VIPAS39: variants seen among roughly 807,000 people sequenced by gnomAD.
VIPAS39 encodes the protein VPS33B interacting protein, apical-basolateral polarity regulator, spe-39 homolog.
Under a neutral mutation model 84.7 loss-of-function variants are expected in VIPAS39, and 63 were observed. The observed-to-expected ratio is 0.74, with a 90% CI of 0.61 to 0.92. The LOEUF is 0.92. VIPAS39 is among the 40% of genes least tolerant of loss of function. VIPAS39 has a pLI of 0.00. For synonymous variants in VIPAS39, 192 were observed against 216.5 expected, an observed-to-expected ratio of 0.89 and a Z score of 0.99; for missense variants, 499 against 604.5, an observed-to-expected ratio of 0.83 and a Z score of 1.83.
At position 77,433,840 on chromosome 14, in the gene VIPAS39, A is replaced by G; in HGVS notation, c.1179+2T>C. 6.2e-7 allele frequency: 1 copy of G among 1,613,840 alleles called. No individual in the cohort carries two copies. Among genetic ancestry groups the G allele is most frequent in the Non-Finnish European group, 8.5e-7 (1 of 1,179,858 alleles). On this transcript the variant is annotated splice_donor_variant, in intron 16 of 19. Coordinates refer to ENST00000557658, the MANE Select transcript of VIPAS39 (RefSeq NM_001193315.2). LOFTEE classifies it high-confidence loss of function. Reference sequence around the variant, plus strand: ...TCAGCAGCACAGGGGCAGGGCACACACCTTTGTGGTGAATAGGGCATCTAC... The same window carrying G: ...TCAGCAGCACAGGGGCAGGGCACACGCCTTTGTGGTGAATAGGGCATCTAC...
In VIPAS39 at chr14:77,449,314, C is replaced by T. The variant is rs752385960; in HGVS notation, c.426G>A (p.Gly142=). 1.2e-6 allele frequency: 2 copies of T among 1,614,196 alleles called. No homozygotes were observed. The highest frequency in any genetic ancestry group is 1.7e-6 in the Non-Finnish European group (2 of 1,180,040). The change falls in exon 6 of 20, where the codon GGG becomes GGA. Residue 142 remains glycine (G), a synonymous_variant. Transcript: ENST00000557658. Reference sequence around the variant, plus strand: ...TCACCCTATACTCCCCTTTGGGTCTCCCCAGCTCTGGAGCATAGCTTTTGG... The same window carrying T: ...TCACCCTATACTCCCCTTTGGGTCTTCCCAGCTCTGGAGCATAGCTTTTGG... ...TPAKSYAPEL[G]RPKGEYRDYS...
chr14:77,447,647 A>C (rs1274454111), intron 7 of VIPAS39, among the ~76,000 whole-genome samples: 1 of 152,154 alleles, frequency 6.6e-6, no homozygotes, highest in Non-Finnish European at 1.5e-5. Flanking sequence ...CTAACATAAA[A>C]GATTGTTCTC....
chr14:77,441,114 G>A, intron 10 of VIPAS39, 21 bp from the exon 11 acceptor site: 1 of 1,612,446 alleles, frequency 6.2e-7, no homozygotes. Flanking sequence ...GCAGAAGGGA[G>A]CAGGGCATTT....
intron 3 of VIPAS39, among the ~76,000 whole-genome samples, chr14:77,452,062 C>G (rs1210190771): frequency 6.6e-6 from 1 of 151,896 alleles, no homozygotes; most frequent in Non-Finnish European, 1.5e-5. Flanking sequence ...ATTGAAAAAT[C>G]TAAAATTCAA....
intron 10 of VIPAS39, among the ~76,000 whole-genome samples, chr14:77,442,098 T>C (rs1405051943): frequency 3.3e-5 from 5 of 152,220 alleles, no homozygotes; most frequent in Non-Finnish European, 7.3e-5. Context: ...TGGTATCACT[T>C]AGAATCAAGT....
intron 11 of VIPAS39, 70 bp from the exon 12 acceptor site, chr14:77,437,951 A>T: frequency 6.7e-7 from 1 of 1,497,638 alleles, no homozygotes; most frequent in Non-Finnish European, 9.3e-7. Flanking sequence ...GATTAACTGA[A>T]CTTCCCATGC....
At chr14:77,431,597 G>A (rs1323477843) in intron 16 of VIPAS39, among the ~76,000 whole-genome samples, 1 of 152,156 alleles carries the variant, frequency 6.6e-6, no homozygotes, top group Non-Finnish European at 1.5e-5. Context: ...TAGCCAATGT[G>A]GAAAACAGGC....
At chr14:77,443,221 A>G in intron 8 of VIPAS39, 69 bp from the exon 9 acceptor site, 1 of 1,577,722 alleles carries the variant, frequency 6.3e-7, no homozygotes, top group Non-Finnish European at 8.7e-7. Flanking sequence ...CACTACAGAC[A>G]CGGGGCCAGC....
At position 77,449,802 on chromosome 14, in the gene VIPAS39, C is replaced by A. The variant is rs1222301954; in HGVS notation, c.344-50G>T. The A allele has an allele frequency of 1.9e-6, 3 of 1,608,336 alleles. 1 individual carries two copies. The South Asian group carries it at 3.3e-5, about 18-fold the overall frequency. On this transcript the variant is annotated intron_variant, in intron 4 of 19. Transcript: ENST00000557658. Reference sequence around the variant, plus strand: ...AAAAGGTCAACAGTTTCAATCAGAGCCATCCAGGCTTGGTTAAAGACACAA... The same window carrying A: ...AAAAGGTCAACAGTTTCAATCAGAGACATCCAGGCTTGGTTAAAGACACAA...
intron 10 of VIPAS39, among the ~76,000 whole-genome samples, chr14:77,441,371 TG>T (rs1453149028): frequency 8.8e-6 from 1 of 113,230 alleles, no homozygotes; most frequent in Non-Finnish European, 2.1e-5. Flanking sequence ...ACTTGGTTGT[TG>T]TTTTTTTTTT....
chr14:77,450,179 T>C (rs966479099), intron 4 of VIPAS39, among the ~76,000 whole-genome samples: 1 of 152,236 alleles, frequency 6.6e-6, no homozygotes, highest in African/African-American at 2.4e-5. Flanking sequence ...TTCCTGTCTC[T>C]ATGAATCTGA....
intron 16 of VIPAS39, among the ~76,000 whole-genome samples, chr14:77,430,964 C>T (rs1166340576): frequency 1.3e-5 from 2 of 152,088 alleles, no homozygotes; most frequent in Non-Finnish European, 2.9e-5. Context: ...ATGAGTGGTG[C>T]TGGGAAAACT....
intron 12 of VIPAS39, 146 bp from the exon 13 acceptor site, chr14:77,436,065 A>C: frequency 1.3e-6 from 1 of 798,012 alleles, no homozygotes; most frequent in Non-Finnish European, 2.2e-6. Context: ...CCCTTAAAGA[A>C]AGACATCGCA....
intron 7 of VIPAS39, among the ~76,000 whole-genome samples, chr14:77,444,552 A>G (rs2078756199): frequency 6.6e-6 from 1 of 152,186 alleles, no homozygotes; most frequent in Admixed American, 6.5e-5. Context: ...TAATGTCCTG[A>G]AGTCTTGATA....
chr14:77,438,265 G>A, intron 11 of VIPAS39, among the ~76,000 whole-genome samples: 1 of 131,722 alleles, frequency 7.6e-6, no homozygotes, highest in South Asian at 2.4e-4. Context: ...TCTCACTCTT[G>A]TTGCCCAGGC....
intron 1 of VIPAS39, 97 bp downstream of exon 1, chr14:77,457,398 G>A: frequency 6.5e-7 from 1 of 1,535,544 alleles, no homozygotes; most frequent in Middle Eastern, 1.7e-4. Context: ...GTAGTCATAG[G>A]GTGTAGGGAT....
intron 1 of VIPAS39, 100 bp from the exon 2 acceptor site, chr14:77,454,202 A>G (rs3742733): frequency 1.9e-6 from 2 of 1,066,238 alleles, no homozygotes; most frequent in Non-Finnish European, 2.9e-6. Context: ...CCCAAAAATC[A>G]AGGATGCAGA....
chr14:77,433,173 T>C (rs1266728875), intron 16 of VIPAS39, among the ~76,000 whole-genome samples: 2 of 151,714 alleles, frequency 1.3e-5, no homozygotes, highest in Non-Finnish European at 2.9e-5. Context: ...ATTATATTAA[T>C]GTTAAATTTT....
chr14:77,454,209 C>T lies in VIPAS39; in HGVS notation c.1-107G>A. 3 of 1,006,826 alleles carry T rather than the reference C, an allele frequency of 3.0e-6. No homozygotes were observed. In the East Asian group the frequency reaches 7.4e-5, roughly 25 times the overall value. The allele number at this position is 1,006,826 out of a possible 1,614,324, so 62.4% of individuals were successfully genotyped here. ...TAACTGATCCCAAAAATCAAGGATG[C>T]AGAAAAGAATCTGGTAAAACAAATA... On this transcript the variant is annotated intron_variant, in intron 1 of 19. Coordinates refer to ENST00000557658, the MANE Select transcript of VIPAS39 (RefSeq NM_001193315.2).
Sources: gnomAD v4.1 joint callset for allele counts (sites outside exome capture counted in the v4.1 genomes callset) on GRCh38, gnomAD v4.1.1 for gene constraint, MANE v1.5 for transcripts, NCBI Gene and HGNC (gene_info 2026-07-23, HGNC 2026-07-21) for gene names.